SP140: variants seen among roughly 807,000 people sequenced by gnomAD.
SP140 encodes SP140 nuclear body protein.
A neutral mutation model predicts 125.0 loss-of-function variants in SP140; 81 were observed. The ratio of observed to expected loss-of-function variants is 0.65; its 90% confidence interval spans 0.54 to 0.78. The LOEUF (loss-of-function observed/expected upper bound fraction) is 0.78, where lower values mean the gene tolerates loss of function less well. Ranked by LOEUF, SP140 falls within the 30% of genes least tolerant of loss-of-function variation. The pLI is 0.00. For missense variants in SP140, 858 were observed against 1,037.0 expected (o/e 0.83, Z 2.37); for synonymous variants, 312 against 354.0 (o/e 0.88, Z 1.33).
At chr2:230,294,442 C>T in intron 21 of SP140, 124 bp downstream of exon 21, 1 of 669,196 alleles carries the variant, frequency 1.5e-6, no homozygotes, top group Non-Finnish European at 2.6e-6. Context: ...TCACTACTCA[C>T]CTTAAAATAC....
At chr2:230,293,259 G>A (rs995693052) in intron 20 of SP140, among the ~76,000 whole-genome samples, 1 of 152,168 alleles carries the variant, frequency 6.6e-6, no homozygotes, top group Non-Finnish European at 1.5e-5. Context: ...AGGCTAAGGA[G>A]TTTAAACCTG....
intron 26 of SP140, among the ~76,000 whole-genome samples, chr2:230,312,108 C>T (rs1172560787): frequency 1.3e-5 from 2 of 152,188 alleles, no homozygotes; most frequent in African/African-American, 4.8e-5. Flanking sequence ...TTCTAACCCA[C>T]TGAAATAAGC....
At chr2:230,270,536 AC>A (rs1477813413) in intron 14 of SP140, 49 bp from the exon 15 acceptor site, 12 of 1,518,198 alleles carry the variant, frequency 7.9e-6, no homozygotes, top group Non-Finnish European at 1.1e-5. Flanking sequence ...AAAATCTATA[AC>A]TTTTATTTAT....
chr2:230,209,921 C>T lies in SP140; in HGVS notation c.-322-3733C>T, dbSNP rs759280256. The T allele has an allele frequency of 3.2e-6, 5 of 1,551,312 alleles. No individual in the cohort carries two copies. Among genetic ancestry groups the T allele is most frequent in the East Asian group, 2.2e-5 (1 of 44,608 alleles). On this transcript the variant is annotated intron_variant, in intron 1 of 4. Transcript: ENST00000456542. ...CCTTCTGACCTCTACAGAAGAAAGG[C>T]TTTTCTTACCTTTCTTGTCTGAAGG...
chr2:230,291,416 T>C (rs2057100307), intron 19 of SP140, among the ~76,000 whole-genome samples: 1 of 152,204 alleles, frequency 6.6e-6, no homozygotes, highest in Non-Finnish European at 1.5e-5. Flanking sequence ...GAAAAGCCCA[T>C]GTCAATTAGC....
chr2:230,257,282 G>A lies in SP140; in HGVS notation c.1240+1750G>A, dbSNP rs144835496. ...TACTTGAATGTAATCTACGATACGA[G>A]ATAGGAGATATCCAGAAAAATAGAG... On this transcript the variant is annotated intron_variant, in intron 12 of 26. Transcript: ENST00000392045. Among the ~76,000 whole-genome samples the A allele has an allele frequency of 5.9e-5, 9 of 152,002 alleles. 1 individual carries two copies. In the South Asian group the frequency reaches 8.3e-4, roughly 14 times the overall value.
At chr2:230,212,919 G>A (rs1280303706) in intron 1 of SP140, 1 of 1,614,056 alleles carries the variant, frequency 6.2e-7, no homozygotes, top group Admixed American at 1.7e-5. Flanking sequence ...AGGGGGTTGT[G>A]GTGGGGGCAG....
chr2:230,280,976 T>G (rs899044165), intron 15 of SP140, among the ~76,000 whole-genome samples: 3 of 152,174 alleles, frequency 2.0e-5, no homozygotes, highest in Admixed American at 2.0e-4. Context: ...ACTTTTTAGC[T>G]ACATTAAAAA....
chr2:230,238,388 A>T lies in SP140; in HGVS notation c.406+7A>T, dbSNP rs1004746026. On this transcript the variant is annotated splice_region_variant and intron_variant, in intron 3 of 26. Coordinates refer to ENST00000392045, the MANE Select transcript of SP140 (RefSeq NM_007237.5). ...TACAGAAGCTTCCAGAATGGTAACT[A>T]TAGCTCTCAACAGCTTTGGGGGATT... 6.2e-7 allele frequency: 1 copy of T among 1,607,330 alleles called. No homozygotes were observed. The highest frequency in any genetic ancestry group is 1.7e-5 in the Admixed American group (1 of 57,388).
intron 3 of SP140, among the ~76,000 whole-genome samples, chr2:230,240,480 T>A (rs1346812219): frequency 6.6e-6 from 1 of 152,104 alleles, no homozygotes; most frequent in East Asian, 1.9e-4. Flanking sequence ...AAAGGACACA[T>A]CACCAATTCA....
intron 10 of SP140, among the ~76,000 whole-genome samples, chr2:230,251,335 A>G (rs2050329571): frequency 1.3e-5 from 2 of 152,154 alleles, no homozygotes; most frequent in Non-Finnish European, 2.9e-5. Flanking sequence ...AGGCAAGGCA[A>G]TGTGTTCTCC....
rs1435251758 is a variant in SP140 at position 230,269,978 on chromosome 2, A to T, written c.1444+25A>T. The T allele has an allele frequency of 2.6e-6, 4 of 1,541,222 alleles. No homozygotes were observed. In the Admixed American group the frequency reaches 5.0e-5, roughly 19 times the overall value. On this transcript the variant is annotated intron_variant, in intron 14 of 26. Transcript: ENST00000392045. ...GGTAAGGCTGTCTGAGGGCCGTGGG[A>T]TGGGGGTGGCTCAGTGGGCCCCACA...
intron 12 of SP140, among the ~76,000 whole-genome samples, chr2:230,258,641 T>A (rs1559276837): frequency 6.6e-6 from 1 of 152,250 alleles, no homozygotes; most frequent in Non-Finnish European, 1.5e-5. Flanking sequence ...ACAGTAATTG[T>A]TGATCACTGA....
At chr2:230,313,269 G>C (rs570108801), downstream of SP140, 1 of 152,418 alleles carries the variant, frequency 6.6e-6, no homozygotes, top group South Asian at 2.1e-4. Context: ...AACCTAGCAG[G>C]GTAGAGGGAA....
Position 230,247,885 on chromosome 2 carries a change from C to A in SP140, c.743-31C>A, listed in dbSNP as rs778903319. The stretch of plus-strand genomic sequence containing the variant: ...AGTGAAATTATATGGAAATTACATA[C>A]ACTCTCAGAGATGCCTTTTTTGATC... On this transcript the variant is annotated intron_variant, in intron 7 of 26. Coordinates refer to ENST00000392045, the MANE Select transcript of SP140 (RefSeq NM_007237.5). 3 of 1,603,870 alleles carry A rather than the reference C, an allele frequency of 1.9e-6. No homozygotes were observed. The African/African-American group carries it at 4.0e-5, about 22-fold the overall frequency.
intron 22 of SP140, among the ~76,000 whole-genome samples, chr2:230,303,497 G>T (rs1220195786): frequency 6.6e-6 from 1 of 152,172 alleles, no homozygotes; most frequent in African/African-American, 2.4e-5. Flanking sequence ...AGAAGAATTG[G>T]TATCAATCCT....
At chr2:230,277,922 T>A (rs1237502030) in intron 15 of SP140, among the ~76,000 whole-genome samples, 1 of 152,150 alleles carries the variant, frequency 6.6e-6, no homozygotes, top group Admixed American at 6.5e-5. Context: ...TTAACTACTG[T>A]GAATTATGCT....
At chr2:230,293,375 T>C (rs1423794232) in intron 20 of SP140, among the ~76,000 whole-genome samples, 2 of 152,192 alleles carry the variant, frequency 1.3e-5, no homozygotes, top group African/African-American at 4.8e-5. Context: ...CTCACTCTGT[T>C]GCCCAAGCAG....
At chr2:230,288,071 A>G in intron 18 of SP140, 105 bp downstream of exon 18, 1 of 977,228 alleles carries the variant, frequency 1.0e-6, no homozygotes, top group Non-Finnish European at 1.5e-6. Context: ...TGTTTTATGA[A>G]GCTGTACTAA....
Sources: allele counts gnomAD v4.1 joint callset (sites outside exome capture counted in the v4.1 genomes callset), GRCh38; gene constraint gnomAD v4.1.1; transcripts MANE v1.5; gene names NCBI Gene and HGNC (gene_info 2026-07-23, HGNC 2026-07-21).